KIRREL3: variants seen among roughly 807,000 people sequenced by gnomAD.
KIRREL3 encodes kin of IRRE-like protein 3.
In KIRREL3, 36 loss-of-function variants were observed where a neutral mutation model predicts 89.7. The ratio of observed to expected loss-of-function variants is 0.40; its 90% CI spans 0.31 to 0.53. The LOEUF is 0.53. KIRREL3 is among the 20% of genes least tolerant of loss of function. The probability of loss-of-function intolerance (pLI) is 0.49; values close to 1 mark genes in which losing one functional copy is unlikely to be tolerated. For synonymous variants in KIRREL3, 445 were observed against 441.4 expected, an observed-to-expected ratio of 1.01 and a Z score of -0.10; for missense variants, 864 against 1,056.6, an observed-to-expected ratio of 0.82 and a Z score of 2.53.
rs1239372394 is a variant in KIRREL3 at position 126,610,479 on chromosome 11, G to A, written c.56-47567C>T. On this transcript the variant is annotated intron_variant, in intron 1 of 16. Coordinates refer to ENST00000525144, the MANE Select transcript of KIRREL3 (RefSeq NM_032531.4). The surrounding 1 kb of genome is among the most constrained non-coding windows in gnomAD (Gnocchi z 4.6). ...TCAAGGACAGAAGGGACATACTTAG[G>A]ATGATAGACTAACCTGGCCCAGCCT... 6.6e-6 allele frequency among the ~76,000 whole-genome samples: 1 copy of A among 152,218 alleles called. No individual in the cohort carries two copies. Among genetic ancestry groups the A allele is most frequent in the Non-Finnish European group, 1.5e-5 (1 of 68,042 alleles).
At chr11:126,559,858 T>C (rs1939982948) in intron 2 of KIRREL3, among the ~76,000 whole-genome samples, 1 of 151,854 alleles carries the variant, frequency 6.6e-6, no homozygotes, top group African/African-American at 2.4e-5. Context: ...TTTTTTTGTA[T>C]TTTTAGTAGA....
chr11:126,923,483 G>A (rs112314777), intron 1 of KIRREL3, among the ~76,000 whole-genome samples: 17 of 120,408 alleles, frequency 1.4e-4, no homozygotes, highest in South Asian at 5.8e-4. Context: ...TCGCACTATC[G>A]CCCAGGCTGG....
rs748344470 is a variant in KIRREL3, at chr11:126,763,317, T to C, written c.56-200405A>G. Among the ~76,000 whole-genome samples the C allele has an allele frequency of 1.8e-4, 28 of 152,182 alleles. No individual in the cohort carries two copies. The highest frequency in any genetic ancestry group is 3.1e-4 in the Non-Finnish European group (21 of 68,028). On this transcript the variant is annotated intron_variant, in intron 1 of 16. Coordinates refer to ENST00000525144, the MANE Select transcript of KIRREL3 (RefSeq NM_032531.4). The surrounding 1 kb of genome is among the most constrained non-coding windows in gnomAD (Gnocchi z 4.7). ...CTCATGGCTGAGGTGCCACTTTCGA[T>C]ACATAAAACAAGAGTCCACATCTGT...
rs1369368178 is a variant in KIRREL3 at position 126,995,634 on chromosome 11, T to G, written c.55+4821A>C. On this transcript the variant is annotated intron_variant, in intron 1 of 16. Coordinates refer to ENST00000525144, the MANE Select transcript of KIRREL3 (RefSeq NM_032531.4). This position sits in a 1 kb window ranked among gnomAD's most constrained non-coding sequence, Gnocchi z 6.5. ...GGCAATTTTCTTTTCCTCATCCATG[T>G]TTCCAAAACAGTTTATCTTTTTATC... 6.6e-6 allele frequency among the ~76,000 whole-genome samples: 1 copy of G among 152,138 alleles called. No homozygotes were observed. Among genetic ancestry groups the G allele is most frequent in the Non-Finnish European group, 1.5e-5 (1 of 68,022 alleles).
intron 1 of KIRREL3, among the ~76,000 whole-genome samples, chr11:126,950,062 T>C (rs146178134): frequency 6.6e-6 from 1 of 152,290 alleles, no homozygotes; most frequent in Non-Finnish European, 1.5e-5. Context: ...AAGCATTAGA[T>C]CACTTTCCAC....
intron 1 of KIRREL3, among the ~76,000 whole-genome samples, chr11:126,799,400 A>G (rs61897932): frequency 0.81 from 70,622 of 87,458 alleles, 26,946 homozygotes; most frequent in South Asian, 0.88. Context: ...CTGTGTGTGC[A>G]TCTATCTGTG....
chr11:126,894,298 G>A (rs1288136657), intron 1 of KIRREL3, among the ~76,000 whole-genome samples: 1 of 152,136 alleles, frequency 6.6e-6, no homozygotes, highest in Non-Finnish European at 1.5e-5. Flanking sequence ...CAGGCATTGT[G>A]TTAGGTGTAG....
At chr11:126,828,305 C>A (rs1004576738) in intron 1 of KIRREL3, among the ~76,000 whole-genome samples, 1 of 152,062 alleles carries the variant, frequency 6.6e-6, no homozygotes, top group African/African-American at 2.4e-5. Flanking sequence ...CAAGGTGATG[C>A]GACCTGCTTG....
Position 126,551,400 on chromosome 11 carries a change from C to T in KIRREL3, c.133+11435G>A, listed in dbSNP as rs185736361. Reference sequence around the variant, plus strand: ...CGAGGCCTGCCCCTGAGGCCTAACACACCCAACATATGGCAAAAGACTGTA... The same window carrying T: ...CGAGGCCTGCCCCTGAGGCCTAACATACCCAACATATGGCAAAAGACTGTA... On this transcript the variant is annotated intron_variant, in intron 2 of 16. Transcript: ENST00000525144. This position sits in a 1 kb window ranked among gnomAD's most constrained non-coding sequence, Gnocchi z 4.9. 9.7e-4 allele frequency among the ~76,000 whole-genome samples: 148 copies of T among 152,294 alleles called. No homozygotes were observed. Among genetic ancestry groups the T allele is most frequent in the African/African-American group, 3.4e-3 (140 of 41,574 alleles).
intron 3 of KIRREL3, among the ~76,000 whole-genome samples, chr11:126,524,854 C>A (rs2134439928): frequency 6.6e-6 from 1 of 152,302 alleles, no homozygotes. Context: ...CCACATCAGG[C>A]AAGCGAGCAG....
chr11:126,617,318 C>T (rs963271549), intron 1 of KIRREL3, among the ~76,000 whole-genome samples: 1 of 152,172 alleles, frequency 6.6e-6, no homozygotes, highest in Non-Finnish European at 1.5e-5. Context: ...TCTCTTATAA[C>T]TCTGAGGGGC....
chr11:126,757,647 C>A (rs894475799), intron 1 of KIRREL3, among the ~76,000 whole-genome samples: 2 of 152,044 alleles, frequency 1.3e-5, no homozygotes, highest in African/African-American at 4.8e-5. Context: ...TTCATTATAT[C>A]AACCTTCATT....
chr11:126,451,511 T>C (rs944550946), intron 7 of KIRREL3, among the ~76,000 whole-genome samples: 12 of 150,490 alleles, frequency 8.0e-5, no homozygotes, highest in African/African-American at 2.9e-4. Flanking sequence ...TGTGAGTGTG[T>C]CCATTTGTGA....
chr11:126,896,761 C>G lies in KIRREL3; in HGVS notation c.55+103694G>C, dbSNP rs1252211543. Reference sequence around the variant, plus strand: ...TGGCAGCCTCTGACCTGTGGAGATTCATTCTCACCACGTGTTCCAACTCTA... The same window carrying G: ...TGGCAGCCTCTGACCTGTGGAGATTGATTCTCACCACGTGTTCCAACTCTA... On this transcript the variant is annotated intron_variant, in intron 1 of 16. Transcript: ENST00000525144. This position sits in a 1 kb window ranked among gnomAD's most constrained non-coding sequence, Gnocchi z 4.1. 6.6e-6 allele frequency among the ~76,000 whole-genome samples: 1 copy of G among 152,184 alleles called. No individual in the cohort carries two copies. The highest frequency in any genetic ancestry group is 6.5e-5 in the Admixed American group (1 of 15,282).
rs1341307957 is a variant in KIRREL3, at chr11:126,704,243, T to C, written c.56-141331A>G. 6.6e-6 allele frequency among the ~76,000 whole-genome samples: 1 copy of C among 152,212 alleles called. No individual in the cohort carries two copies. Among genetic ancestry groups the C allele is most frequent in the Non-Finnish European group, 1.5e-5 (1 of 68,040 alleles). ...AGCACACACATTTGCATCATATCTG[T>C]TCATGTGCATGCATGTGCACAGCTG... On this transcript the variant is annotated intron_variant, in intron 1 of 16. Transcript: ENST00000525144. The surrounding 1 kb of genome is among the most constrained non-coding windows in gnomAD (Gnocchi z 4.2).
chr11:126,884,970 A>C (rs1371911928), intron 1 of KIRREL3, among the ~76,000 whole-genome samples: 1 of 152,204 alleles, frequency 6.6e-6, no homozygotes, highest in African/African-American at 2.4e-5. Context: ...TGTTGAGTGA[A>C]AAGGCAATAG....
chr11:126,571,063 G>C lies in KIRREL3; in HGVS notation c.56-8151C>G, dbSNP rs1162012001. ...AGTCCCACAGCTGGCAAATGGTGAG[G>C]CTTGCCGTACACCTCCATGTTGGTG... is the stretch of plus-strand genomic sequence containing the variant. On this transcript the variant is annotated intron_variant, in intron 1 of 16. Transcript: ENST00000525144. The surrounding 1 kb of genome is among the most constrained non-coding windows in gnomAD (Gnocchi z 7.7). Among the ~76,000 whole-genome samples the C allele has an allele frequency of 6.6e-6, 1 of 152,196 alleles. No individual in the cohort carries two copies. The highest frequency in any genetic ancestry group is 1.5e-5 in the Non-Finnish European group (1 of 68,044).
rs1945332040 is a variant in KIRREL3 at position 126,877,391 on chromosome 11, G to T, written c.55+123064C>A. 6.6e-6 allele frequency among the ~76,000 whole-genome samples: 1 copy of T among 152,186 alleles called. No individual in the cohort carries two copies. The highest frequency in any genetic ancestry group is 1.5e-5 in the Non-Finnish European group (1 of 68,030). ...TGGGCAGGGTTTGGTCAGTAACGGGGCAGAGGAAGTAGATCATTTGGTCTC... is the reference window on the plus strand; with the variant it reads ...TGGGCAGGGTTTGGTCAGTAACGGGTCAGAGGAAGTAGATCATTTGGTCTC... On this transcript the variant is annotated intron_variant, in intron 1 of 16. Coordinates refer to ENST00000525144, the MANE Select transcript of KIRREL3 (RefSeq NM_032531.4). The surrounding 1 kb of genome is among the most constrained non-coding windows in gnomAD (Gnocchi z 4.9).
intron 1 of KIRREL3, among the ~76,000 whole-genome samples, chr11:126,818,886 A>G (rs142966584): frequency 2.8e-4 from 43 of 152,132 alleles, no homozygotes; most frequent in African/African-American, 8.7e-4. Flanking sequence ...ACTTCCTTAG[A>G]CATGAGACAT....
Sources: gnomAD v4.1 joint callset for allele counts (sites outside exome capture counted in the v4.1 genomes callset) on GRCh38, gnomAD v4.1.1 for gene constraint, Gnocchi (gnomAD v3.1) non-coding constraint, MANE v1.5 for transcripts, NCBI Gene and HGNC (gene_info 2026-07-23, HGNC 2026-07-21) for gene names.